The following C13orf42 variants were observed in gnomAD, a reference collection of about 807,000 sequenced individuals.
The protein encoded by C13orf42 is chromosome 13 open reading frame 42, also known as uncharacterized protein C13orf42.
At chr13:51,100,184 A>G (rs546084226) in intron 1 of C13orf42, among the ~76,000 whole-genome samples, 16 of 152,320 alleles carry the variant, frequency 1.1e-4, no homozygotes, top group African/African-American at 3.6e-4. Flanking sequence ...AAAAAAAGAA[A>G]AACGGAACTA....
chr13:51,147,186 T>C (rs547152395), intron 1 of C13orf42, among the ~76,000 whole-genome samples: 2 of 152,190 alleles, frequency 1.3e-5, no homozygotes, highest in South Asian at 4.2e-4. Flanking sequence ...TGCATCTGCA[T>C]AGCATCTACA....
chr13:51,092,351 C>T (rs928803618), intron 1 of C13orf42, among the ~76,000 whole-genome samples: 1 of 152,172 alleles, frequency 6.6e-6, no homozygotes, highest in Non-Finnish European at 1.5e-5. Context: ...GATCACCAAT[C>T]TTTTGAATAG....
At chr13:51,158,943 C>T (rs546833396) in intron 1 of C13orf42, among the ~76,000 whole-genome samples, 2 of 152,342 alleles carry the variant, frequency 1.3e-5, no homozygotes, top group African/African-American at 2.4e-5. Context: ...TTTCCTTCTC[C>T]GCTTCTTCTG....
intron 1 of C13orf42, among the ~76,000 whole-genome samples, chr13:51,128,548 A>G (rs1593544719): frequency 6.6e-6 from 1 of 152,210 alleles, no homozygotes; most frequent in African/African-American, 2.4e-5. Flanking sequence ...GCCCCACTCA[A>G]TAAAAGGCAA....
rs1555268474 is a variant in C13orf42, at chr13:51,147,727, T to TCAAAAAAAAACACA, written n.136+24525_136+24526insTGTGTTTTTTTTTG. On this transcript the variant is annotated intron_variant and non_coding_transcript_variant, in intron 1 of 4. Transcript: ENST00000433280. ...CTGGGCAACAGAGCAAGACTGTGTC[T>TCAAAAAAAAACACA]CAAAAAAAAACAACGAAGGGGTGGA... Among the ~76,000 whole-genome samples the TCAAAAAAAAACACA allele has an allele frequency of 1.0e-3, 156 of 149,860 alleles. No individual in the cohort carries two copies. In the East Asian group the frequency reaches 0.02, roughly 19 times the overall value.
intron 1 of C13orf42, among the ~76,000 whole-genome samples, chr13:51,104,834 A>G (rs1288591759): frequency 6.6e-6 from 1 of 151,526 alleles, no homozygotes; most frequent in African/African-American, 2.4e-5. Flanking sequence ...GAGAAAAGAG[A>G]GAAGTAAAAT....
At chr13:51,095,923 AT>A (rs1953230359) in intron 1 of C13orf42, among the ~76,000 whole-genome samples, 1 of 151,902 alleles carries the variant, frequency 6.6e-6, no homozygotes, top group Non-Finnish European at 1.5e-5. Flanking sequence ...ATAATTCATA[AT>A]TTTTTTGTTG....
At chr13:51,087,878 G>A (rs187323043) in intron 2 of C13orf42, 50 bp downstream of exon 2, 85 of 398,606 alleles carry the variant, frequency 2.1e-4, no homozygotes, top group African/African-American at 1.1e-3. Context: ...CAGCATCACA[G>A]CCCCACCCGC....
At chr13:51,136,823 G>A (rs1953661518) in intron 1 of C13orf42, among the ~76,000 whole-genome samples, 1 of 152,234 alleles carries the variant, frequency 6.6e-6, no homozygotes, top group Non-Finnish European at 1.5e-5. Context: ...TTCACGCATT[G>A]GGTCATTCAT....
At position 51,123,672 on chromosome 13, in the gene C13orf42, C is replaced by T. The variant is rs180784601; in HGVS notation, n.137-10450G>A. On this transcript the variant is annotated intron_variant and non_coding_transcript_variant, in intron 1 of 4. Transcript: ENST00000433280. ...TCTACATAGTTCAATCTGCCTCTAT[C>T]ACCTAACCCAATTCCTGACACACCT... Among the ~76,000 whole-genome samples the T allele has an allele frequency of 1.5e-4, 23 of 152,322 alleles. No homozygotes were observed. In the East Asian group the frequency reaches 3.9e-3, roughly 26 times the overall value.
At chr13:51,122,644 G>A (rs962870118) in intron 1 of C13orf42, among the ~76,000 whole-genome samples, 1 of 152,026 alleles carries the variant, frequency 6.6e-6, no homozygotes, top group African/African-American at 2.4e-5. Flanking sequence ...TAAAGTGCTA[G>A]CTCAGCTGTT....
Position 51,082,682 on chromosome 13 carries a change from C to T in C13orf42, c.*1469G>A, listed in dbSNP as rs1172636175. 6.6e-6 allele frequency: 1 copy of T among 152,148 alleles called. No individual in the cohort carries two copies. 9.4% of individuals were successfully genotyped at this position (152,148 alleles called of 1,614,324 possible). ...ACAAATCTCCTAAACATTTACTTTC[C>T]AGTCAAGCTTCTGGCTATAGCTGGG... On this transcript the variant is annotated 3_prime_UTR_variant, in exon 4 of 4. Transcript: ENST00000563710.
chr13:51,141,338 T>C lies in C13orf42; in HGVS notation n.137-28116A>G, dbSNP rs909101276. 3.3e-5 allele frequency among the ~76,000 whole-genome samples: 5 copies of C among 151,858 alleles called. No homozygotes were observed. In the South Asian group the frequency reaches 8.3e-4, roughly 25 times the overall value. On this transcript the variant is annotated intron_variant and non_coding_transcript_variant, in intron 1 of 4. Coordinates refer to the C13orf42 transcript ENST00000433280. ...ACTCTTGGGTTTTTAAGGAAGAATGTAGTTTAGACACTCAGAAGTGTCTGT... is the reference window on the plus strand; with the variant it reads ...ACTCTTGGGTTTTTAAGGAAGAATGCAGTTTAGACACTCAGAAGTGTCTGT...
chr13:51,149,739 A>G (rs1030229244), intron 1 of C13orf42, among the ~76,000 whole-genome samples: 5 of 152,190 alleles, frequency 3.3e-5, no homozygotes, highest in Admixed American at 2.6e-4. Flanking sequence ...GGAAACAGTT[A>G]TATCTTTGAA....
chr13:51,164,636 G>A (rs1953891245), intron 1 of C13orf42, among the ~76,000 whole-genome samples: 1 of 152,098 alleles, frequency 6.6e-6, no homozygotes, highest in Admixed American at 6.5e-5. Flanking sequence ...CTCCAGCCTG[G>A]GTGACAATGC....
intron 3 of C13orf42, 131 bp downstream of exon 3, chr13:51,085,182 CAAATAT>C: frequency 1.4e-5 from 2 of 147,938 alleles, no homozygotes; most frequent in Non-Finnish European, 2.1e-5. Flanking sequence ...CCAGCAACAA[CAAATAT>C]ATATATATAT....
At chr13:51,091,493 G>T (rs1953180063) in intron 1 of C13orf42, among the ~76,000 whole-genome samples, 1 of 152,072 alleles carries the variant, frequency 6.6e-6, no homozygotes, top group Admixed American at 6.5e-5. Context: ...TGCCTTCCCT[G>T]CCCCTTGACC....
At chr13:51,154,086 C>T (rs1953806564) in intron 1 of C13orf42, among the ~76,000 whole-genome samples, 1 of 152,116 alleles carries the variant, frequency 6.6e-6, no homozygotes, top group African/African-American at 2.4e-5. Context: ...GTGAATCATA[C>T]AGCTTTTGTG....
chr13:51,114,637 T>G (rs536178261), upstream of C13orf42, among the ~76,000 whole-genome samples: 178 of 93,838 alleles, frequency 1.9e-3, no homozygotes, highest in African/African-American at 7.1e-3. Context: ...GATAGATAGA[T>G]AGATAGATAG....
Sources: gnomAD v4.1 joint callset for allele counts (sites outside exome capture counted in the v4.1 genomes callset) on GRCh38, gnomAD v4.1.1 for gene constraint, MANE v1.5 for transcripts, NCBI Gene and HGNC (gene_info 2026-07-23, HGNC 2026-07-21) for gene names.